Variants in NMNAT1 observed in about 807,000 individuals in gnomAD.
NMNAT1 encodes the protein nicotinamide nucleotide adenylyltransferase 1.
In NMNAT1, 11 loss-of-function variants were observed where a neutral mutation model predicts 16.7. The ratio of observed to expected loss-of-function variants is 0.66; its 90% confidence interval spans 0.41 to 1.09. The LOEUF (loss-of-function observed/expected upper bound fraction) is 1.09. NMNAT1 is among the 50% of genes least tolerant of loss of function. NMNAT1 has a pLI of 0.00. For missense variants in NMNAT1, 280 were observed against 332.3 expected, an observed-to-expected ratio of 0.84 and a Z score of 1.22; for synonymous variants, 110 against 119.8, an observed-to-expected ratio of 0.92 and a Z score of 0.53.
chr1:9,948,421 CAA>C (rs1409082980), intron 1 of NMNAT1, among the ~76,000 whole-genome samples: 4 of 151,918 alleles, frequency 2.6e-5, no homozygotes, highest in African/African-American at 9.7e-5. Context: ...CAAAAAAATA[CAA>C]AAGAGTAGCC....
the NMNAT1 span, among the ~76,000 whole-genome samples, chr1:9,994,699 G>A: frequency 1.3e-5 from 2 of 149,836 alleles, no homozygotes; most frequent in Non-Finnish European, 3.0e-5. Context: ...TGCAAGCTCC[G>A]CCTCCTGGGT....
At chr1:9,988,734 A>AG (rs1642076475), downstream of NMNAT1, among the ~76,000 whole-genome samples, 1 of 128,516 alleles carries the variant, frequency 7.8e-6, no homozygotes, top group Non-Finnish European at 1.6e-5. Flanking sequence ...GGGTACCTTG[A>AG]TTTTTTTTTT....
the NMNAT1 span, among the ~76,000 whole-genome samples, chr1:9,991,706 G>A: frequency 6.6e-6 from 1 of 152,032 alleles, no homozygotes; most frequent in Admixed American, 6.6e-5. Context: ...TCATGGAAAA[G>A]GCAGTCAATA....
At chr1:9,963,590 TAG>T (rs1641474967) in intron 1 of NMNAT1, among the ~76,000 whole-genome samples, 1 of 151,864 alleles carries the variant, frequency 6.6e-6, no homozygotes, top group Non-Finnish European at 1.5e-5. Context: ...TTGTATTTTT[TAG>T]TAGAGACGGT....
chr1:9,992,680 G>A, the NMNAT1 span, among the ~76,000 whole-genome samples: 1 of 152,022 alleles, frequency 6.6e-6, no homozygotes, highest in South Asian at 2.1e-4. Flanking sequence ...GGGAGGCCGA[G>A]GTGGGTGGAT....
At chr1:9,992,107 C>T in the NMNAT1 span, among the ~76,000 whole-genome samples, 8 of 135,848 alleles carry the variant, frequency 5.9e-5, no homozygotes, top group East Asian at 4.3e-4. Flanking sequence ...TTTTTTGAGA[C>T]GGTCTCAGTC....
chr1:9,972,151 G>C lies in NMNAT1; in HGVS notation c.78G>C (p.Arg26Ser). ...ATCCCATCACCAACATGCACCTCAG[G>C]TTGTTTGAGCTGGCCAAGGACTACA... Reference protein sequence around the residue: ...SFNPITNMHLRLFELAKDYMN... With the variant: ...SFNPITNMHLSLFELAKDYMN... Residue 26 changes from arginine to serine, a missense_variant, in exon 2 of 5, where the codon AGG (arginine) becomes AGC (serine). Transcript: ENST00000377205. 6.2e-7 allele frequency: 1 copy of C among 1,612,482 alleles called. No individual in the cohort carries two copies. The highest frequency in any genetic ancestry group is 8.5e-7 in the Non-Finnish European group (1 of 1,178,634).
At chr1:9,993,950 C>A in the NMNAT1 span, among the ~76,000 whole-genome samples, 1 of 152,198 alleles carries the variant, frequency 6.6e-6, no homozygotes, top group East Asian at 1.9e-4. Flanking sequence ...GGTTTGAATC[C>A]AGACTCTGCC....
Position 9,972,022 on chromosome 1 carries a change from C to G in NMNAT1, c.-52C>G. The G allele has an allele frequency of 4.3e-6, 4 of 919,798 alleles. No homozygotes were observed. Among genetic ancestry groups the G allele is most frequent in the Non-Finnish European group, 7.2e-6 (4 of 552,356 alleles). The allele number at this position is 919,798 out of a possible 1,614,324, so 57.0% of individuals were successfully genotyped here. On this transcript the variant is annotated 5_prime_UTR_variant, in exon 2 of 5. Coordinates refer to ENST00000377205, the MANE Select transcript of NMNAT1 (RefSeq NM_022787.4). Reference sequence around the variant, plus strand: ...TATTTTCTTTTTCCTTTGTAGACAACAAGGGAGGTGTCACAGTTTTCCATT... The same window carrying G: ...TATTTTCTTTTTCCTTTGTAGACAAGAAGGGAGGTGTCACAGTTTTCCATT...
At chr1:9,946,806 T>G (rs1230777540) in intron 1 of NMNAT1, among the ~76,000 whole-genome samples, 1 of 152,014 alleles carries the variant, frequency 6.6e-6, no homozygotes, top group African/African-American at 2.4e-5. Context: ...CCTTACATAC[T>G]GAAGAAAGAT....
At chr1:9,945,421 CTG>C (rs1640957054) in intron 1 of NMNAT1, among the ~76,000 whole-genome samples, 1 of 152,112 alleles carries the variant, frequency 6.6e-6, no homozygotes, top group Admixed American at 6.6e-5. Flanking sequence ...ATTATTTGAG[CTG>C]GGTGTAGTGG....
rs199902661 is a variant in NMNAT1 at position 9,982,558 on chromosome 1, G to A, written c.697G>A (p.Gly233Ser). 1.9e-6 allele frequency: 3 copies of A among 1,613,996 alleles called. No homozygotes were observed. Among genetic ancestry groups the A allele is most frequent in the African/African-American group, 1.3e-5 (1 of 74,900 alleles). The change falls in exon 5 of 5, where the codon GGC becomes AGC. Residue 233 changes from glycine (G) to serine (S), a missense_variant. Physicochemically the swap from Gly to Ser is moderately conservative, Grantham distance 56. Transcript: ENST00000377205. ...AAAAATCCGGAGAGCCCTCAGAAGG[G>A]GCCAGAGCATTCGCTACTTGGTACC... Reference protein sequence around the residue: ...STKIRRALRRGQSIRYLVPDL... With the variant: ...STKIRRALRRSQSIRYLVPDL...
chr1:9,976,249 T>C (rs1055794485), intron 3 of NMNAT1, among the ~76,000 whole-genome samples: 1 of 145,568 alleles, frequency 6.9e-6, no homozygotes, highest in Non-Finnish European at 1.5e-5. Flanking sequence ...ATTGTGCCAC[T>C]GCACTCCAGC....
chr1:9,981,274 AC>A (rs1337609419), intron 4 of NMNAT1, 104 bp downstream of exon 4: 2 of 1,488,516 alleles, frequency 1.3e-6, no homozygotes, highest in Non-Finnish European at 1.8e-6. Flanking sequence ...TCGCTCTATC[AC>A]CCAGGCTGGA....
At chr1:9,995,760 G>A in the NMNAT1 span, among the ~76,000 whole-genome samples, 1 of 152,300 alleles carries the variant, frequency 6.6e-6, no homozygotes, top group African/African-American at 2.4e-5. Flanking sequence ...CGGGTGCGGT[G>A]GCTCACACCT....
the NMNAT1 span, among the ~76,000 whole-genome samples, chr1:9,991,897 G>GA: frequency 1.3e-3 from 194 of 143,888 alleles, no homozygotes; most frequent in Non-Finnish European, 2.2e-3. Context: ...AAAATAAGAC[G>GA]AAAAAAAAAA....
Position 9,963,696 on chromosome 1 carries a change from C to T in NMNAT1, c.-56-8322C>T, listed in dbSNP as rs144113437. Reference sequence around the variant, plus strand: ...TGCTGGGATTACAGGCGTGAGCCACCGCATCTGGCCCCCATTATTTCTTTT... The same window carrying T: ...TGCTGGGATTACAGGCGTGAGCCACTGCATCTGGCCCCCATTATTTCTTTT... On this transcript the variant is annotated intron_variant, in intron 1 of 4. Coordinates refer to ENST00000377205, the MANE Select transcript of NMNAT1 (RefSeq NM_022787.4). Among the ~76,000 whole-genome samples, 137 of 152,076 alleles carry T rather than the reference C, an allele frequency of 9.0e-4. 1 individual carries two copies. In the East Asian group the frequency reaches 0.02, roughly 22 times the overall value.
chr1:9,992,429 G>A, the NMNAT1 span, among the ~76,000 whole-genome samples: 2 of 151,980 alleles, frequency 1.3e-5, no homozygotes, highest in Non-Finnish European at 2.9e-5. Flanking sequence ...TGACGAAAAC[G>A]GTTCAGTGGC....
chr1:9,968,635 G>A (rs1389644220), intron 1 of NMNAT1, among the ~76,000 whole-genome samples: 1 of 148,838 alleles, frequency 6.7e-6, no homozygotes, highest in Middle Eastern at 3.2e-3. Flanking sequence ...GCCAGGAGTG[G>A]TGGCGGGCAC....
Sources: allele counts gnomAD v4.1 joint callset (sites outside exome capture counted in the v4.1 genomes callset), GRCh38; gene constraint gnomAD v4.1.1; transcripts MANE v1.5; gene names NCBI Gene and HGNC (gene_info 2026-07-23, HGNC 2026-07-21).